The following CLUAP1 variants were observed in gnomAD, a reference collection of about 807,000 sequenced individuals.
CLUAP1 encodes clusterin-associated protein 1.
In CLUAP1, 50 loss-of-function variants were observed where a neutral mutation model predicts 55.0. The ratio of observed to expected loss-of-function variants is 0.91; its 90% CI spans 0.72 to 1.15. CLUAP1 has a LOEUF of 1.15. Ranked by LOEUF, CLUAP1 falls within the 50% of genes most tolerant of loss-of-function variation. The pLI, the probability that CLUAP1 is intolerant of heterozygous loss-of-function variation, is 0.00. For missense variants in CLUAP1, 530 were observed against 507.6 expected, an observed-to-expected ratio of 1.04 and a Z score of -0.42; for synonymous variants, 195 against 175.4, an observed-to-expected ratio of 1.11 and a Z score of -0.88.
intron 9 of CLUAP1, among the ~76,000 whole-genome samples, chr16:3,528,361 C>G (rs2037989339): frequency 6.6e-6 from 1 of 152,156 alleles, no homozygotes. Context: ...CCTTGTATCT[C>G]TCTCATTTTG....
At position 3,508,390 on chromosome 16, in the gene CLUAP1, T is replaced by C; in HGVS notation, c.321T>C (p.Ala107=). Residue 107 remains alanine (A), a synonymous_variant, in exon 4 of 12, where the codon GCT becomes GCC. Transcript: ENST00000576634. ...AGATCACATCTGTCCTTTATAATGC[T>C]ATGAAGACCAAGGGGATGGAGGGCT... ...LLKITSVLYN[A]MKTKGMEGSE... 1 of 1,603,106 alleles carries C rather than the reference T, an allele frequency of 6.2e-7. No individual in the cohort carries two copies. Among genetic ancestry groups the C allele is most frequent in the Non-Finnish European group, 8.5e-7 (1 of 1,177,512 alleles).
Position 3,536,310 on chromosome 16 carries a change from G to T in CLUAP1, c.*39G>T, listed in dbSNP as rs1567445519. On this transcript the variant is annotated 3_prime_UTR_variant, in exon 12 of 12. Coordinates refer to ENST00000576634, the MANE Select transcript of CLUAP1 (RefSeq NM_015041.3). ...GGACCCTGGCAGATTAAAACCCTCA[G>T]ACTTGTAGGTAAATGGGAACTTAGA... is the stretch of plus-strand genomic sequence containing the variant. 1.2e-6 allele frequency: 2 copies of T among 1,600,632 alleles called. No individual in the cohort carries two copies. Among genetic ancestry groups the T allele is most frequent in the Non-Finnish European group, 8.5e-7 (1 of 1,171,872 alleles).
In CLUAP1 at chr16:3,501,758, G is replaced by T. The variant is rs549138943; in HGVS notation, c.22+669G>T. Among the ~76,000 whole-genome samples the T allele has an allele frequency of 1.9e-4, 29 of 151,312 alleles. 2 individuals carry two copies. In the South Asian group the frequency reaches 5.6e-3, roughly 29 times the overall value. On this transcript the variant is annotated intron_variant, in intron 1 of 11. Coordinates refer to ENST00000576634, the MANE Select transcript of CLUAP1 (RefSeq NM_015041.3). The stretch of plus-strand genomic sequence containing the variant: ...GCACTCCAGCCTAGGCAACAAGAGC[G>T]AAACAACATCTCAAAAAACAAAAAA...
rs2038276848 is a variant in CLUAP1 at position 3,538,375 on chromosome 16, A to G, written c.*2104A>G. 1 of 151,758 alleles carries G rather than the reference A, an allele frequency of 6.6e-6. No homozygotes were observed. Among genetic ancestry groups the G allele is most frequent in the Non-Finnish European group, 1.5e-5 (1 of 67,986 alleles). The allele number at this position is 151,758 out of a possible 1,614,324, so 9.4% of individuals were successfully genotyped here. A position where few individuals can be genotyped will look rare whatever the true frequency, so the allele number is the denominator to read the frequency against. ...TCACCAGTAATTTGAAATGCACCAT[A>G]TTGTAAATGATCCACTGACAGGGAA... On this transcript the variant is annotated 3_prime_UTR_variant, in exon 12 of 12. Coordinates refer to ENST00000576634, the MANE Select transcript of CLUAP1 (RefSeq NM_015041.3).
intron 1 of CLUAP1, among the ~76,000 whole-genome samples, chr16:3,504,218 A>C (rs1312480807): frequency 6.6e-6 from 1 of 152,142 alleles, no homozygotes; most frequent in Non-Finnish European, 1.5e-5. Context: ...AACTTGTGTT[A>C]TTTGGGTCCT....
chr16:3,535,965 G>T, intron 11 of CLUAP1, 157 bp from the exon 12 acceptor site: 1 of 749,610 alleles, frequency 1.3e-6, no homozygotes, highest in Non-Finnish European at 2.1e-6. Flanking sequence ...CATAGCCTCA[G>T]TCCCATCTGT....
chr16:3,536,411 C>T lies in CLUAP1; in HGVS notation c.*140C>T, dbSNP rs1429341640. The T allele has an allele frequency of 2.6e-6, 2 of 780,260 alleles. No homozygotes were observed. Among genetic ancestry groups the T allele is most frequent in the Admixed American group, 3.1e-5 (1 of 32,002 alleles). 48.3% of individuals were successfully genotyped at this position (780,260 alleles called of 1,614,324 possible). A position where few individuals can be genotyped will look rare whatever the true frequency, so the allele number is the denominator to read the frequency against. On this transcript the variant is annotated 3_prime_UTR_variant, in exon 12 of 12. Coordinates refer to ENST00000576634, the MANE Select transcript of CLUAP1 (RefSeq NM_015041.3). ...ATCACTGAAGCAATACTTATTTCTG[C>T]TTTAGCCTCCTATGTTTGCATTCCA...
chr16:3,525,788 A>G (rs147634750), intron 8 of CLUAP1, among the ~76,000 whole-genome samples: 23 of 152,214 alleles, frequency 1.5e-4, no homozygotes, highest in Non-Finnish European at 2.8e-4. Context: ...GCTGGTCTCA[A>G]ACTCCTGGGC....
Position 3,530,703 on chromosome 16 carries a change from C to T in CLUAP1, c.1036+28C>T, listed in dbSNP as rs757400285. ...ACCCCGGCGTCTTTCGCTGGACTTC[C>T]TCCCTGCGCCCTGTTTCACAGAACA... On this transcript the variant is annotated intron_variant, in intron 10 of 11. Transcript: ENST00000576634. The T allele has an allele frequency of 5.8e-6, 9 of 1,563,246 alleles. No homozygotes were observed. The South Asian group carries it at 8.9e-5, about 15-fold the overall frequency.
chr16:3,499,159 A>G (rs2151035564), upstream of CLUAP1, among the ~76,000 whole-genome samples: 1 of 152,404 alleles, frequency 6.6e-6, no homozygotes, highest in South Asian at 2.1e-4. Flanking sequence ...ACTCACGCCA[A>G]CATGGCGAAA....
At chr16:3,519,447 T>C (rs1476971854) in intron 6 of CLUAP1, among the ~76,000 whole-genome samples, 3 of 152,234 alleles carry the variant, frequency 2.0e-5, no homozygotes, top group Non-Finnish European at 4.4e-5. Context: ...GGACCAGCTG[T>C]TTCTTTCTCT....
chr16:3,518,300 T>C (rs1358948859), intron 6 of CLUAP1, among the ~76,000 whole-genome samples: 2 of 152,240 alleles, frequency 1.3e-5, no homozygotes, highest in African/African-American at 4.8e-5. Flanking sequence ...CCCTTAGCAC[T>C]AATATGTTAA....
upstream of CLUAP1, among the ~76,000 whole-genome samples, chr16:3,498,902 A>AC (rs113002073): frequency 0.014 from 2,121 of 152,192 alleles, 25 homozygotes; most frequent in East Asian, 0.04. Context: ...ACAACAAAAA[A>AC]AAGTGAAAAG....
intron 3 of CLUAP1, among the ~76,000 whole-genome samples, chr16:3,507,601 A>AGTAAAATG (rs148452013): frequency 0.017 from 2,555 of 151,480 alleles, 84 homozygotes; most frequent in African/African-American, 0.055. Flanking sequence ...AACAAAATGG[A>AGTAAAATG]GTAAAATGAC....
At chr16:3,523,871 C>T (rs1370034083) in intron 8 of CLUAP1, among the ~76,000 whole-genome samples, 3 of 152,228 alleles carry the variant, frequency 2.0e-5, no homozygotes, top group Admixed American at 1.3e-4. Flanking sequence ...CAGGCTGAGA[C>T]AGGAGAATCG....
chr16:3,511,741 G>T (rs2037629590), intron 4 of CLUAP1, among the ~76,000 whole-genome samples: 1 of 152,156 alleles, frequency 6.6e-6, no homozygotes, highest in Non-Finnish European at 1.5e-5. Flanking sequence ...AGGCGTCCTG[G>T]AATTGGTCTC....
intron 10 of CLUAP1, among the ~76,000 whole-genome samples, chr16:3,532,188 C>T (rs1273672718): frequency 6.6e-6 from 1 of 152,136 alleles, no homozygotes; most frequent in Non-Finnish European, 1.5e-5. Context: ...GGACTGTACC[C>T]ATGATTTACT....
chr16:3,521,424 GTTTTTTTTGTTTTTGTTT>G (rs1256355170), intron 7 of CLUAP1, among the ~76,000 whole-genome samples: 3 of 150,086 alleles, frequency 2.0e-5, no homozygotes, highest in Non-Finnish European at 4.4e-5. Flanking sequence ...GATTTTTATG[GTTTTTTTTGTTTTTGTTT>G]TTTTTTTTTG....
Position 3,501,005 on chromosome 16 carries a change from C to G in CLUAP1, c.-63C>G. The G allele has an allele frequency of 1.3e-6, 2 of 1,544,258 alleles. No individual in the cohort carries two copies. The highest frequency in any genetic ancestry group is 1.4e-5 in the African/African-American group (1 of 73,536). ...TGGTTGCCATAGAGATCGTCGAGCG[C>G]TGGGCCTGTGATCGCTGAGGGGCGA... On this transcript the variant is annotated 5_prime_UTR_variant, in exon 1 of 12. Coordinates refer to ENST00000576634, the MANE Select transcript of CLUAP1 (RefSeq NM_015041.3).
Sources: allele counts gnomAD v4.1 joint callset (sites outside exome capture counted in the v4.1 genomes callset), GRCh38; gene constraint gnomAD v4.1.1; transcripts MANE v1.5; gene names NCBI Gene and HGNC (gene_info 2026-07-23, HGNC 2026-07-21).